CUBN: variants seen among roughly 807,000 people sequenced by gnomAD.
The protein encoded by CUBN is cubilin.
In CUBN, 282 loss-of-function variants were observed where a neutral mutation model predicts 405.3. The observed-to-expected ratio is 0.70, with a 90% CI of 0.63 to 0.77. The LOEUF (loss-of-function observed/expected upper bound fraction) is 0.77. CUBN is among the 30% of genes least tolerant of loss of function. The probability of loss-of-function intolerance (pLI) is 0.00; values close to 1 mark genes in which losing one functional copy is unlikely to be tolerated. For synonymous variants in CUBN, 1,684 were observed against 1,617.0 expected (o/e 1.04, Z -0.99); for missense variants, 4,514 against 4,475.2 (o/e 1.01, Z -0.25).
chr10:16,995,860 T>G (rs1476403040), intron 28 of CUBN, among the ~76,000 whole-genome samples: 1 of 152,212 alleles, frequency 6.6e-6, no homozygotes, highest in Admixed American at 6.5e-5. Flanking sequence ...ATGCATTATT[T>G]TATTTGAAAT....
intron 40 of CUBN, 82 bp from the exon 41 acceptor site, chr10:16,928,385 T>C (rs781647598): frequency 2.6e-5 from 38 of 1,479,454 alleles, no homozygotes; most frequent in Non-Finnish European, 3.4e-5. Context: ...CCAAAGCAGC[T>C]CACACATTTT....
chr10:17,039,489 T>C (rs1002748185), intron 27 of CUBN, among the ~76,000 whole-genome samples: 2 of 152,118 alleles, frequency 1.3e-5, no homozygotes, highest in Admixed American at 1.3e-4. Flanking sequence ...ATCAGAATAG[T>C]CCTAACTGGT....
Position 16,836,234 on chromosome 10 carries a change from C to T in CUBN, c.10180+1G>A. 6.2e-7 allele frequency: 1 copy of T among 1,613,542 alleles called. No homozygotes were observed. Among genetic ancestry groups the T allele is most frequent in the Non-Finnish European group, 8.5e-7 (1 of 1,179,508 alleles). ...ATAAAAGATGAAGTTCCTGGCCTCA[C>T]CTGCAATCTGATAGGTGAAACTCAT... On this transcript the variant is annotated splice_donor_variant, in intron 63 of 66. Coordinates refer to ENST00000377833, the MANE Select transcript of CUBN (RefSeq NM_001081.4). LOFTEE classifies it high-confidence loss of function.
rs146047781 is a variant in CUBN at position 17,127,827 on chromosome 10, A to G, written c.348+2T>C. On this transcript the variant is annotated splice_donor_variant, in intron 3 of 66. Transcript: ENST00000377833. LOFTEE classifies it high-confidence loss of function. ...TTCTTATGACGTAGATGTCAGACTT[A>G]CCTTGGAATTAAGCTGATAGATTTG... 2.1e-4 allele frequency: 337 copies of G among 1,607,690 alleles called. No individual in the cohort carries two copies. The highest frequency in any genetic ancestry group is 2.2e-4 in the Non-Finnish European group (259 of 1,174,352).
chr10:17,075,902 T>C (rs1193244969), intron 17 of CUBN, among the ~76,000 whole-genome samples: 3 of 152,326 alleles, frequency 2.0e-5, no homozygotes, highest in East Asian at 3.9e-4. Flanking sequence ...CAAATTCTTG[T>C]TGATTCATTA....
chr10:16,968,596 G>T (rs1428693136), intron 31 of CUBN, among the ~76,000 whole-genome samples: 1 of 152,156 alleles, frequency 6.6e-6, no homozygotes, highest in African/African-American at 2.4e-5. Flanking sequence ...ATCTCCAGGG[G>T]CCAGCTGGTG....
At chr10:16,837,043 C>A (rs1333153140) in intron 62 of CUBN, among the ~76,000 whole-genome samples, 1 of 152,072 alleles carries the variant, frequency 6.6e-6, no homozygotes, top group Non-Finnish European at 1.5e-5. Context: ...TAGGAACCTA[C>A]TGAAACACCC....
chr10:17,061,421 C>A (rs1004203317), intron 22 of CUBN, among the ~76,000 whole-genome samples: 21 of 152,216 alleles, frequency 1.4e-4, no homozygotes, highest in African/African-American at 5.1e-4. Flanking sequence ...AATCCCCCAT[C>A]TCAAATTCCT....
At chr10:16,860,940 C>G (rs1041232468) in intron 59 of CUBN, among the ~76,000 whole-genome samples, 8 of 152,184 alleles carry the variant, frequency 5.3e-5, no homozygotes, top group Non-Finnish European at 1.2e-4. Context: ...GATGATAGCA[C>G]GCTCCAGCTC....
intron 10 of CUBN, among the ~76,000 whole-genome samples, chr10:17,108,924 G>T (rs561605704): frequency 5.9e-5 from 9 of 152,106 alleles, no homozygotes; most frequent in Admixed American, 3.9e-4. Flanking sequence ...GTAGAAAGAT[G>T]CCCAGTGAAA....
At chr10:16,971,857 T>G (rs913131212) in intron 31 of CUBN, among the ~76,000 whole-genome samples, 7 of 152,168 alleles carry the variant, frequency 4.6e-5, no homozygotes, top group African/African-American at 1.4e-4. Context: ...CATTGGTTAC[T>G]GCCCATTTTC....
chr10:16,919,875 C>A lies in CUBN; in HGVS notation c.6821+88G>T, dbSNP rs1841983714. Reference sequence around the variant, plus strand: ...CCCCTAGATTTCCTTGCAGTATGTGCTACTGAAAGAAATGGACTGTTTTGA... The same window carrying A: ...CCCCTAGATTTCCTTGCAGTATGTGATACTGAAAGAAATGGACTGTTTTGA... On this transcript the variant is annotated intron_variant, in intron 44 of 66. Coordinates refer to ENST00000377833, the MANE Select transcript of CUBN (RefSeq NM_001081.4). The A allele has an allele frequency of 2.2e-6, 3 of 1,335,550 alleles. No homozygotes were observed. The South Asian group carries it at 3.7e-5, about 16-fold the overall frequency. The allele number at this position is 1,335,550 out of a possible 1,614,324, so 82.7% of individuals were successfully genotyped here. A position where few individuals can be genotyped will look rare whatever the true frequency, so the allele number is the denominator to read the frequency against.
At position 16,907,577 on chromosome 10, in the gene CUBN, T is replaced by C; in HGVS notation, c.7636A>G (p.Ile2546Val). The change falls in exon 49 of 67, where the codon ATT (isoleucine) becomes GTT (valine). Residue 2546 changes from isoleucine (I) to valine (V), a missense_variant. Physicochemically the swap from Ile to Val is conservative, Grantham distance 29. Transcript: ENST00000377833. The stretch of plus-strand genomic sequence containing the variant: ...GGCCTGGATCCATCCGTGAAAAAAA[T>C]GACTTTCATTGTGTTTCCTGAAGAT... ...IKSSGNTMKVIFFTDGSRPYG... is the reference protein window; with the variant it reads ...IKSSGNTMKVVFFTDGSRPYG... The C allele has an allele frequency of 1.9e-6, 3 of 1,613,948 alleles. No homozygotes were observed. The highest frequency in any genetic ancestry group is 1.1e-5 in the South Asian group (1 of 91,078).
intron 28 of CUBN, among the ~76,000 whole-genome samples, chr10:17,010,733 T>C (rs1293008295): frequency 1.3e-5 from 2 of 152,192 alleles, no homozygotes; most frequent in Non-Finnish European, 2.9e-5. Context: ...CTCATTTACT[T>C]TGGGAATTCC....
Position 17,100,220 on chromosome 10 carries a change from G to C in CUBN, c.1550C>G (p.Thr517Ser), listed in dbSNP as rs956851987. 9 of 1,612,654 alleles carry C rather than the reference G, an allele frequency of 5.6e-6. No homozygotes were observed. The highest frequency in any genetic ancestry group is 5.5e-5 in the South Asian group (5 of 91,058). ...EMGKVLRITF[T>S]FFRLESMDNC... ...GTCCATGGATTCTAACCGGAAAAAA[G>C]TGAAAGTGATACGCAGGACCTAAAA... Residue 517 changes from threonine to serine, a missense_variant, in exon 14 of 67, where the codon ACT becomes AGT. By Grantham distance (58) the Thr-to-Ser change is moderately conservative. This residue lies in a region of CUBN where 1,448 missense variants were observed against 1,388.0 expected (regional missense o/e 1.04). Coordinates refer to ENST00000377833, the MANE Select transcript of CUBN (RefSeq NM_001081.4).
At chr10:17,026,080 T>C (rs931279875) in intron 27 of CUBN, among the ~76,000 whole-genome samples, 6 of 152,150 alleles carry the variant, frequency 3.9e-5, no homozygotes, top group Admixed American at 6.5e-5. Flanking sequence ...GCCCTGTAGT[T>C]CCTGCTGCTG....
chr10:16,962,831 G>A (rs2131649434), intron 31 of CUBN, among the ~76,000 whole-genome samples: 1 of 152,286 alleles, frequency 6.6e-6, no homozygotes, highest in South Asian at 2.1e-4. Flanking sequence ...AAGCATGCAG[G>A]TGAGTGGCAC....
chr10:16,899,169 A>C lies in CUBN; in HGVS notation c.8425T>G (p.Phe2809Val). Residue 2809 changes from phenylalanine (F) to valine (V), a missense_variant, in exon 54 of 67, where the codon TTT (phenylalanine) becomes GTT (valine). Phe to Val is a conservative substitution (Grantham distance 50). Transcript: ENST00000377833. ...CTGATTGTACCATTATCAGAATGAA[A>C]TATTCCACCACAACCTGAAATATTG... ...NTQTLGCGGI[F>V]HSDNGTIRSP... The C allele has an allele frequency of 1.2e-6, 2 of 1,613,992 alleles. No individual in the cohort carries two copies. Among genetic ancestry groups the C allele is most frequent in the South Asian group, 2.2e-5 (2 of 91,076 alleles).
intron 17 of CUBN, among the ~76,000 whole-genome samples, chr10:17,078,796 A>G (rs1242948573): frequency 1.3e-5 from 2 of 152,032 alleles, no homozygotes; most frequent in African/African-American, 4.8e-5. Context: ...TTTCCATGCA[A>G]TATTGTTTCC....
Sources: gnomAD v4.1 joint callset for allele counts (sites outside exome capture counted in the v4.1 genomes callset) on GRCh38, gnomAD v4.1.1 for gene constraint, gnomAD v4.1.1 regional missense constraint, MANE v1.5 for transcripts, NCBI Gene and HGNC (gene_info 2026-07-23, HGNC 2026-07-21) for gene names.